The following TBCK variants were observed in gnomAD, a reference collection of about 807,000 sequenced individuals.
TBCK encodes TBC domain-containing protein kinase-like protein.
TBCK carries 99 observed loss-of-function variants against 113.4 expected under a neutral mutation model. The observed-to-expected ratio is 0.87, with a 90% CI of 0.74 to 1.03. TBCK has a LOEUF of 1.03. TBCK is among the 50% of genes least tolerant of loss of function. TBCK has a pLI of 0.00. For missense variants in TBCK, 1,045 were observed against 1,061.3 expected (o/e 0.98, Z 0.21); for synonymous variants, 369 against 370.8 (o/e 1.00, Z 0.05).
At chr4:106,172,208 T>A (rs1751114478) in intron 22 of TBCK, among the ~76,000 whole-genome samples, 1 of 152,158 alleles carries the variant, frequency 6.6e-6, no homozygotes, top group Non-Finnish European at 1.5e-5. Context: ...AAGGTTTAAA[T>A]GCACTTGACT....
intron 3 of TBCK, among the ~76,000 whole-genome samples, chr4:106,292,664 A>G (rs1278846163): frequency 5.3e-5 from 8 of 152,096 alleles, no homozygotes; most frequent in African/African-American, 1.9e-4. Context: ...TCTCTTAAAC[A>G]CAGAAGTAGG....
intron 12 of TBCK, among the ~76,000 whole-genome samples, chr4:106,240,512 G>A (rs1277196271): frequency 6.6e-6 from 1 of 151,828 alleles, no homozygotes; most frequent in Admixed American, 6.6e-5. Flanking sequence ...AAAATCAATT[G>A]TGTTACTAAT....
At chr4:106,056,638 T>C (rs989788549) in intron 25 of TBCK, among the ~76,000 whole-genome samples, 1 of 151,530 alleles carries the variant, frequency 6.6e-6, no homozygotes, top group Non-Finnish European at 1.5e-5. Context: ...TAAGTGGTCC[T>C]AATGCTTCTA....
intron 12 of TBCK, chr4:106,238,643 CT>C (rs1456984871): frequency 6.6e-6 from 1 of 152,144 alleles, no homozygotes; most frequent in African/African-American, 2.4e-5. Context: ...AAGGCTAGGA[CT>C]TCCACTTTCT....
At chr4:106,186,382 A>T (rs1753028555) in intron 22 of TBCK, among the ~76,000 whole-genome samples, 1 of 152,202 alleles carries the variant, frequency 6.6e-6, no homozygotes, top group East Asian at 1.9e-4. Context: ...TCCTTGCAAC[A>T]TCACCAGCAT....
At chr4:106,200,778 T>C (rs2149839171) in intron 20 of TBCK, among the ~76,000 whole-genome samples, 1 of 152,214 alleles carries the variant, frequency 6.6e-6, no homozygotes, top group East Asian at 1.9e-4. Flanking sequence ...GGCACACAAA[T>C]ATTTGTTGAA....
At chr4:106,202,822 A>T (rs915704821) in intron 20 of TBCK, among the ~76,000 whole-genome samples, 6 of 152,070 alleles carry the variant, frequency 3.9e-5, no homozygotes, top group African/African-American at 1.4e-4. Context: ...GCCTCACCAC[A>T]CAATATTTTG....
Position 106,276,500 on chromosome 4 carries a change from C to T in TBCK, c.267-14288G>A, listed in dbSNP as rs188693102. ...GCTGAGGCAGGAGGACTGCCTGAAC[C>T]CAGAAGTTCGAGACCAGCCTGGGTA... On this transcript the variant is annotated intron_variant, in intron 3 of 25. Transcript: ENST00000394708. Among the ~76,000 whole-genome samples, 180 of 152,172 alleles carry T rather than the reference C, an allele frequency of 1.2e-3. 1 individual carries two copies. Among genetic ancestry groups the T allele is most frequent in the African/African-American group, 4.0e-3 (168 of 41,508 alleles).
chr4:106,259,388 C>T (rs1460069237), intron 5 of TBCK, among the ~76,000 whole-genome samples: 1 of 151,666 alleles, frequency 6.6e-6, no homozygotes, highest in African/African-American at 2.4e-5. Flanking sequence ...GAGGAAAACA[C>T]AAATGGATAC....
chr4:106,305,767 A>G (rs116838494), intron 2 of TBCK, among the ~76,000 whole-genome samples: 2,491 of 152,288 alleles, frequency 0.016, 31 homozygotes, highest in Middle Eastern at 0.088. Context: ...GATGCAGTGA[A>G]GAAGCTAGCT....
At chr4:106,232,132 C>T (rs1157785391) in intron 17 of TBCK, among the ~76,000 whole-genome samples, 3 of 151,820 alleles carry the variant, frequency 2.0e-5, no homozygotes, top group Middle Eastern at 3.4e-3. Context: ...ACTTTCTCAT[C>T]TAGGACATGG....
chr4:106,107,543 T>C (rs919771447), intron 24 of TBCK, among the ~76,000 whole-genome samples: 2 of 152,010 alleles, frequency 1.3e-5, no homozygotes, highest in African/African-American at 2.4e-5. Context: ...GACTTTTGGG[T>C]AAAAAATAAA....
chr4:106,135,663 G>A (rs563855387), intron 23 of TBCK, among the ~76,000 whole-genome samples: 4 of 141,844 alleles, frequency 2.8e-5, no homozygotes, highest in Admixed American at 2.8e-4. Context: ...AAGCTCTGGA[G>A]GAGCGCAGAA....
chr4:106,273,143 A>G (rs1298327725), intron 3 of TBCK, among the ~76,000 whole-genome samples: 1 of 152,218 alleles, frequency 6.6e-6, no homozygotes, highest in Admixed American at 6.5e-5. Flanking sequence ...AAATGGATGA[A>G]AATTCAACCC....
intron 23 of TBCK, among the ~76,000 whole-genome samples, chr4:106,147,986 G>A (rs1036062813): frequency 2.6e-5 from 4 of 152,268 alleles, no homozygotes; most frequent in African/African-American, 4.8e-5. Context: ...CCCCCTGGGC[G>A]TGGCCATCTT....
At chr4:106,228,607 T>C (rs1239888492) in intron 19 of TBCK, among the ~76,000 whole-genome samples, 2 of 152,040 alleles carry the variant, frequency 1.3e-5, no homozygotes, top group African/African-American at 4.8e-5. Flanking sequence ...AGTACTCCAT[T>C]GTGTATTAAG....
intron 23 of TBCK, among the ~76,000 whole-genome samples, chr4:106,138,305 T>C (rs1262407405): frequency 2.1e-5 from 3 of 141,160 alleles, no homozygotes; most frequent in African/African-American, 7.5e-5. Flanking sequence ...TTCTATTAAG[T>C]ATATAATTCT....
intron 2 of TBCK, among the ~76,000 whole-genome samples, chr4:106,298,696 C>A (rs116526695): frequency 0.025 from 3,809 of 152,070 alleles, 167 homozygotes; most frequent in African/African-American, 0.088. Context: ...AGAAAAAAAA[C>A]CAGTTGTTAA....
chr4:106,094,296 A>G (rs1740664442), intron 25 of TBCK, among the ~76,000 whole-genome samples: 1 of 152,180 alleles, frequency 6.6e-6, no homozygotes, highest in African/African-American at 2.4e-5. Flanking sequence ...GGTTACCTTT[A>G]GCCAATATCA....
Sources: gnomAD v4.1 joint callset for allele counts (sites outside exome capture counted in the v4.1 genomes callset) on GRCh38, gnomAD v4.1.1 for gene constraint, MANE v1.5 for transcripts, NCBI Gene and HGNC (gene_info 2026-07-23, HGNC 2026-07-21) for gene names.